The following PTPRT variants were observed in gnomAD, a reference collection of about 807,000 sequenced individuals.
PTPRT encodes the protein protein tyrosine phosphatase receptor type T, also known as receptor-type tyrosine-protein phosphatase T.
A neutral mutation model predicts 176.8 loss-of-function variants in PTPRT; 56 were observed. The observed-to-expected ratio is 0.32, with a 90% confidence interval of 0.26 to 0.40. The LOEUF (loss-of-function observed/expected upper bound fraction) is 0.40, where lower values mean the gene tolerates loss of function less well. PTPRT is among the 10% of genes least tolerant of loss of function. PTPRT has a pLI of 1.00. For missense variants in PTPRT, 1,540 were observed against 1,908.2 expected (o/e 0.81, Z 3.60); for synonymous variants, 783 against 739.0 (o/e 1.06, Z -0.96).
intron 1 of PTPRT, among the ~76,000 whole-genome samples, chr20:43,109,087 C>T (rs760242684): frequency 3.6e-4 from 55 of 151,812 alleles, no homozygotes; most frequent in Admixed American, 7.2e-4. Context: ...TTTTTTTTTC[C>T]CCGCTTTCCC....
intron 1 of PTPRT, among the ~76,000 whole-genome samples, chr20:43,023,755 G>A (rs1254673977): frequency 1.3e-5 from 2 of 152,108 alleles, no homozygotes; most frequent in Non-Finnish European, 2.9e-5. Flanking sequence ...CCCTGTAGCT[G>A]CCCTAACCTC....
chr20:42,665,037 G>A (rs2146017672), intron 7 of PTPRT, among the ~76,000 whole-genome samples: 1 of 152,172 alleles, frequency 6.6e-6, no homozygotes, highest in South Asian at 2.1e-4. Flanking sequence ...ACATAGGCAT[G>A]GGCAAGGACT....
chr20:42,575,175 C>T (rs537133220), intron 7 of PTPRT, among the ~76,000 whole-genome samples: 78 of 152,200 alleles, frequency 5.1e-4, no homozygotes, highest in East Asian at 1.7e-3. Flanking sequence ...CATAGAAAGA[C>T]GCAGGAAGGT....
chr20:42,067,514 A>T, the PTPRT span, among the ~76,000 whole-genome samples: 2 of 151,892 alleles, frequency 1.3e-5, no homozygotes, highest in Non-Finnish European at 2.9e-5. Context: ...TTGCTCTTGC[A>T]CCCTATGCTA....
At chr20:42,383,841 G>A (rs1478993986) in intron 9 of PTPRT, among the ~76,000 whole-genome samples, 5 of 152,172 alleles carry the variant, frequency 3.3e-5, no homozygotes, top group African/African-American at 9.7e-5. Flanking sequence ...GAGTGACGCA[G>A]ACTTTATGCC....
intron 1 of PTPRT, among the ~76,000 whole-genome samples, chr20:42,993,159 C>T (rs1984017485): frequency 6.6e-6 from 1 of 151,950 alleles, no homozygotes; most frequent in African/African-American, 2.4e-5. Flanking sequence ...TACAACCTGC[C>T]TGTAATCCCA....
At position 42,664,793 on chromosome 20, in the gene PTPRT, C is replaced by A. The variant is rs949051672; in HGVS notation, c.1153+13073G>T. 9.9e-5 allele frequency among the ~76,000 whole-genome samples: 15 copies of A among 152,206 alleles called. No homozygotes were observed. In the East Asian group the frequency reaches 2.9e-3, roughly 29 times the overall value. On this transcript the variant is annotated intron_variant, in intron 7 of 30. Transcript: ENST00000373187. The stretch of plus-strand genomic sequence containing the variant: ...AACAGAGCCCTCAGAAATAATGCCA[C>A]ATATCTACAACTATCTGATCTTTGA...
At chr20:43,050,831 C>A (rs540451438) in intron 1 of PTPRT, among the ~76,000 whole-genome samples, 32 of 152,326 alleles carry the variant, frequency 2.1e-4, no homozygotes, top group African/African-American at 7.0e-4. Context: ...TCCTCCATTC[C>A]CACTGGAAGG....
chr20:42,433,914 C>T (rs951216835), intron 9 of PTPRT, among the ~76,000 whole-genome samples: 3 of 152,072 alleles, frequency 2.0e-5, no homozygotes, highest in African/African-American at 7.2e-5. Context: ...CTTATCATAC[C>T]CCCAAAATTA....
chr20:42,578,722 T>C (rs982620339), intron 7 of PTPRT, among the ~76,000 whole-genome samples: 4 of 152,072 alleles, frequency 2.6e-5, no homozygotes, highest in Non-Finnish European at 4.4e-5. Context: ...ATCTGCCCTA[T>C]CTCGGATCTG....
chr20:42,611,760 GC>G (rs1322106385), intron 7 of PTPRT, among the ~76,000 whole-genome samples: 1 of 152,138 alleles, frequency 6.6e-6, no homozygotes, highest in African/African-American at 2.4e-5. Flanking sequence ...AAGGGTGAGA[GC>G]CAGCCCAGAC....
chr20:43,045,322 T>C (rs531499981), intron 1 of PTPRT, among the ~76,000 whole-genome samples: 21 of 152,192 alleles, frequency 1.4e-4, no homozygotes, highest in South Asian at 4.1e-4. Context: ...ACAGCCTCCA[T>C]GGGCGGATCA....
At chr20:42,768,871 A>G (rs1330484072) in intron 5 of PTPRT, among the ~76,000 whole-genome samples, 6 of 152,220 alleles carry the variant, frequency 3.9e-5, no homozygotes, top group Admixed American at 3.9e-4. Context: ...TCTCTTTAAC[A>G]TCCTCCCACT....
chr20:42,383,586 T>G (rs1328526255), intron 9 of PTPRT, among the ~76,000 whole-genome samples: 2 of 152,178 alleles, frequency 1.3e-5, no homozygotes, highest in East Asian at 3.9e-4. Flanking sequence ...CTGCAGTGTT[T>G]GATAAGTGGT....
intron 13 of PTPRT, among the ~76,000 whole-genome samples, chr20:42,280,272 A>T (rs1011948573): frequency 1.3e-5 from 2 of 152,038 alleles, no homozygotes; most frequent in Non-Finnish European, 2.9e-5. Flanking sequence ...CCAAGTAGAC[A>T]CTCATCAAAC....
intron 8 of PTPRT, among the ~76,000 whole-genome samples, chr20:42,470,405 C>T (rs1050793373): frequency 6.6e-6 from 1 of 152,148 alleles, no homozygotes. Context: ...TGCACCTTGG[C>T]TTTCTCCCCT....
At chr20:42,538,092 T>A (rs1208419350) in intron 7 of PTPRT, among the ~76,000 whole-genome samples, 1 of 151,940 alleles carries the variant, frequency 6.6e-6, no homozygotes, top group Non-Finnish European at 1.5e-5. Context: ...ACAATCTTTA[T>A]CTTACAGATG....
chr20:42,250,833 C>T (rs954984402), intron 13 of PTPRT, among the ~76,000 whole-genome samples: 7 of 152,218 alleles, frequency 4.6e-5, no homozygotes, highest in Non-Finnish European at 1.0e-4. Context: ...AGAAGGACTT[C>T]TGGATGAGGA....
chr20:42,734,077 G>A (rs889215605), intron 6 of PTPRT, among the ~76,000 whole-genome samples: 1 of 152,204 alleles, frequency 6.6e-6, no homozygotes. Flanking sequence ...ACTGATTCCT[G>A]TAATGCCTGA....
Sources: gnomAD v4.1 joint callset for allele counts (sites outside exome capture counted in the v4.1 genomes callset) on GRCh38, gnomAD v4.1.1 for gene constraint, MANE v1.5 for transcripts, NCBI Gene and HGNC (gene_info 2026-07-23, HGNC 2026-07-21) for gene names.